CAMTA2: variants seen among roughly 807,000 people sequenced by gnomAD.
The protein encoded by CAMTA2 is calmodulin binding transcription activator 2.
In CAMTA2, 56 loss-of-function variants were observed where a neutral mutation model predicts 135.7. The ratio of observed to expected loss-of-function variants is 0.41; its 90% CI spans 0.33 to 0.52. The LOEUF (loss-of-function observed/expected upper bound fraction) is 0.52. Ranked by LOEUF, CAMTA2 falls within the 20% of genes least tolerant of loss-of-function variation. The pLI is 0.16. For missense variants in CAMTA2, 1,358 were observed against 1,553.4 expected, an observed-to-expected ratio of 0.87 and a Z score of 2.11; for synonymous variants, 591 against 604.6, an observed-to-expected ratio of 0.98 and a Z score of 0.33.
intron 15 of CAMTA2, 115 bp from the exon 16 acceptor site, chr17:4,972,651 C>A: frequency 7.1e-7 from 1 of 1,416,490 alleles, no homozygotes; most frequent in East Asian, 2.3e-5. Context: ...TCTGTTATCT[C>A]CCATCCCTGC....
rs781352892 is a variant in CAMTA2, at chr17:4,969,469, A to C, written c.3282+31T>G. On this transcript the variant is annotated intron_variant, in intron 20 of 22. Transcript: ENST00000348066. This position sits in a 1 kb window ranked among gnomAD's most constrained non-coding sequence, Gnocchi z 5.6. ...ACTCAAGGAAAGACTGAATCATCAC[A>C]GACCTCACACTCAGAGCTCATGCCT... is the stretch of plus-strand genomic sequence containing the variant. The C allele has an allele frequency of 6.8e-6, 11 of 1,613,416 alleles. No individual in the cohort carries two copies. The Admixed American group carries it at 1.8e-4, about 27-fold the overall frequency.
At chr17:4,986,641 C>T (rs1973335483) in intron 1 of CAMTA2, 2 of 528,080 alleles carry the variant, frequency 3.8e-6, no homozygotes, top group Non-Finnish European at 6.7e-6. Context: ...GCCATCCGGT[C>T]CTTGGAGGAT....
chr17:4,985,485 G>A (rs1378973293), intron 3 of CAMTA2, among the ~76,000 whole-genome samples: 5 of 152,122 alleles, frequency 3.3e-5, no homozygotes, highest in African/African-American at 9.7e-5. Context: ...GTGCAGTGGC[G>A]TGATCTCAGC....
At position 4,968,455 on chromosome 17, in the gene CAMTA2, G is replaced by A. The variant is rs1332444841; in HGVS notation, c.*301C>T. ...GCAAGTCAGGAGGGGGCCGAGTCGG[G>A]TGCAGGCAGGAGGAGCTGGGGAGCA... On this transcript the variant is annotated 3_prime_UTR_variant, in exon 23 of 23. Transcript: ENST00000348066. 7.5e-6 allele frequency: 4 copies of A among 531,352 alleles called. No homozygotes were observed. The highest frequency in any genetic ancestry group is 1.9e-5 in the African/African-American group (1 of 52,412). The allele number at this position is 531,352 out of a possible 1,614,324, so 32.9% of individuals were successfully genotyped here. A position where few individuals can be genotyped will look rare whatever the true frequency, so the allele number is the denominator to read the frequency against.
chr17:4,980,035 T>C lies in CAMTA2; in HGVS notation c.1287A>G (p.Pro429=), dbSNP rs1332476237. 1 of 1,613,634 alleles carries C rather than the reference T, an allele frequency of 6.2e-7. No homozygotes were observed. Among genetic ancestry groups the C allele is most frequent in the Non-Finnish European group, 8.5e-7 (1 of 1,179,922 alleles). Residue 429 remains proline, a synonymous_variant, in exon 9 of 23, where the codon CCA becomes CCG. Coordinates refer to ENST00000348066, the MANE Select transcript of CAMTA2 (RefSeq NM_015099.4). The surrounding 1 kb of genome is among the most constrained non-coding windows in gnomAD (Gnocchi z 5.3). ...TTCTCCCACCTGCTACTGACTGTGG[T>C]GGGGGACCCCGAGCAGCTGCCTGGG... is the stretch of plus-strand genomic sequence containing the variant. ...LEPQAAARGP[P]PQSVAGGRRG...
Position 4,982,795 on chromosome 17 carries a change from G to A in CAMTA2, c.301C>T (p.Arg101Ter). The A allele has an allele frequency of 6.2e-7, 1 of 1,614,110 alleles. No individual in the cohort carries two copies. The highest frequency in any genetic ancestry group is 8.5e-7 in the Non-Finnish European group (1 of 1,180,016). ...ACCTTCAGCTTCATGTGGTCCTCTC[G>A]GGTGGTCTTCCCATCCTTCCGCTTC... ...WKKRKDGKTT[R>*]EDHMKLKVQG... Residue 101 changes from arginine to a stop codon, truncating the protein, a stop_gained, in exon 5 of 23, where the codon CGA becomes TGA. Transcript: ENST00000348066. LOFTEE classifies it high-confidence loss of function.
intron 11 of CAMTA2, 95 bp from the exon 12 acceptor site, chr17:4,974,595 A>G: frequency 2.7e-6 from 2 of 752,496 alleles, no homozygotes; most frequent in Non-Finnish European, 4.8e-6. Context: ...GGATGAGGAC[A>G]CAGAACCATA....
intron 16 of CAMTA2, among the ~76,000 whole-genome samples, chr17:4,971,961 T>A (rs572774119): frequency 3.9e-5 from 6 of 152,330 alleles, no homozygotes; most frequent in African/African-American, 1.4e-4. Flanking sequence ...AGTGCTGGGA[T>A]TACAGGCGTA....
chr17:4,986,157 T>C lies in CAMTA2; in HGVS notation c.31+35A>G, dbSNP rs751340370. The C allele has an allele frequency of 1.0e-5, 13 of 1,281,260 alleles. 1 individual carries two copies. The highest frequency in any genetic ancestry group is 1.4e-5 in the Non-Finnish European group (12 of 875,908). The allele number at this position is 1,281,260 out of a possible 1,614,324, so 79.4% of individuals were successfully genotyped here. ...CTAAAGCGTGGGGAGAACGAAAGGC[T>C]GTGGCCACATTGGGAACCTGGTTTG... On this transcript the variant is annotated intron_variant, in intron 2 of 22. Transcript: ENST00000348066.
intron 3 of CAMTA2, among the ~76,000 whole-genome samples, chr17:4,983,413 G>A (rs993623887): frequency 1.3e-5 from 2 of 151,770 alleles, no homozygotes; most frequent in Non-Finnish European, 2.9e-5. Context: ...CTCCCGGGTA[G>A]CTGGGATTAC....
chr17:4,968,420 A>G lies in CAMTA2; in HGVS notation c.*336T>C. The stretch of plus-strand genomic sequence containing the variant: ...GATACATTCAGAGACGCGTCGAACA[A>G]ATAAATAAGGCAAGTCAGGAGGGGG... On this transcript the variant is annotated 3_prime_UTR_variant, in exon 23 of 23. Coordinates refer to ENST00000348066, the MANE Select transcript of CAMTA2 (RefSeq NM_015099.4). 2.2e-6 allele frequency: 1 copy of G among 454,658 alleles called. No homozygotes were observed. Among genetic ancestry groups the G allele is most frequent in the Non-Finnish European group, 4.0e-6 (1 of 249,940 alleles). The allele number at this position is 454,658 out of a possible 1,614,324, so 28.2% of individuals were successfully genotyped here.
intron 5 of CAMTA2, 26 bp from the exon 6 acceptor site, chr17:4,982,186 G>T: frequency 1.5e-5 from 9 of 600,786 alleles, no homozygotes; most frequent in South Asian, 9.8e-5. Context: ...CTGGGGTGGG[G>T]GGAGGGCTAG....
intron 9 of CAMTA2, 27 bp downstream of exon 9, chr17:4,979,657 G>A (rs1859434): frequency 0.79 from 1,170,837 of 1,490,652 alleles, 467,187 homozygotes; most frequent in African/African-American, 0.94. Flanking sequence ...TAGGAGGGAG[G>A]AGGGAGGAGG....
chr17:4,987,555 C>CG (rs1395940527), intron 1 of CAMTA2, 38 bp downstream of exon 1: 2 of 1,503,814 alleles, frequency 1.3e-6, no homozygotes, highest in Non-Finnish European at 1.8e-6. Flanking sequence ...CCCTCTGGCG[C>CG]GGGGGCGGAG....
At chr17:4,987,483 AC>A in intron 1 of CAMTA2, 109 bp downstream of exon 1, 1 of 1,399,116 alleles carries the variant, frequency 7.1e-7, no homozygotes, top group Non-Finnish European at 9.3e-7. Flanking sequence ...GTGAGGGCGA[AC>A]CGGGAAGAGG....
intron 12 of CAMTA2, chr17:4,974,139 T>A: frequency 1.9e-6 from 1 of 534,212 alleles, no homozygotes. Flanking sequence ...TCCCCCGCCC[T>A]CTCCTTCACC....
rs780825167 is a variant in CAMTA2, at chr17:4,979,654, G to C, written c.1638+30C>G. The C allele has an allele frequency of 1.6e-5, 23 of 1,469,326 alleles. No homozygotes were observed. In the East Asian group the frequency reaches 5.0e-4, roughly 32 times the overall value. 91.0% of individuals were successfully genotyped at this position (1,469,326 alleles called of 1,614,324 possible). On this transcript the variant is annotated intron_variant, in intron 9 of 22. Transcript: ENST00000348066. ...GGGGAGTCAGAAGACAAATAGGAGGGAGGAGGGAGGAGGTAAGCCTGAGTC... is the reference window on the plus strand; with the variant it reads ...GGGGAGTCAGAAGACAAATAGGAGGCAGGAGGGAGGAGGTAAGCCTGAGTC...
chr17:4,976,394 T>C (rs1055840637), intron 11 of CAMTA2, among the ~76,000 whole-genome samples: 4 of 152,126 alleles, frequency 2.6e-5, no homozygotes, highest in South Asian at 2.1e-4. Context: ...GGAAAAACAA[T>C]AGAAATTTAA....
Position 4,972,940 on chromosome 17 carries a change from A to T in CAMTA2, c.2332T>A (p.Trp778Arg). 6.2e-7 allele frequency: 1 copy of T among 1,613,760 alleles called. No homozygotes were observed. The highest frequency in any genetic ancestry group is 8.5e-7 in the Non-Finnish European group (1 of 1,180,004). ...HLEAAVLLFRWNRQALSIPDS... is the reference protein window; with the variant it reads ...HLEAAVLLFRRNRQALSIPDS... Reference sequence around the variant, plus strand: ...GGAATGCTCAGTGCCTGTCGGTTCCAACGGAAAAGGAGCACAGCAGCTTCC... The same window carrying T: ...GGAATGCTCAGTGCCTGTCGGTTCCTACGGAAAAGGAGCACAGCAGCTTCC... Residue 778 changes from tryptophan to arginine, a missense_variant, in exon 15 of 23, where the codon TGG (tryptophan) becomes AGG (arginine). Around this residue, in one of 4 missense-constraint regions of CAMTA2, gnomAD observed 1,077 missense variants for 1,127.5 expected, o/e 0.96. Transcript: ENST00000348066.
Sources: gnomAD v4.1 joint callset for allele counts (sites outside exome capture counted in the v4.1 genomes callset) on GRCh38, gnomAD v4.1.1 for gene constraint, gnomAD v4.1.1 regional missense constraint, Gnocchi (gnomAD v3.1) non-coding constraint, MANE v1.5 for transcripts, NCBI Gene and HGNC (gene_info 2026-07-23, HGNC 2026-07-21) for gene names.